SPTLC2: variants seen among roughly 807,000 people sequenced by gnomAD.
SPTLC2 encodes the protein serine palmitoyltransferase 2.
Under a neutral mutation model 62.0 loss-of-function variants are expected in SPTLC2, and 21 were observed. The observed-to-expected ratio is 0.34, with a 90% CI of 0.24 to 0.49. The LOEUF is 0.49. Among genes scored for constraint, SPTLC2 ranks in the 20% least tolerant of loss-of-function variants. The pLI is 0.99. For missense variants in SPTLC2, 511 were observed against 713.0 expected (o/e 0.72, Z 3.23); for synonymous variants, 261 against 261.8 (o/e 1.00, Z 0.03).
chr14:77,557,750 A>T (rs2079592702), intron 6 of SPTLC2, among the ~76,000 whole-genome samples: 1 of 152,198 alleles, frequency 6.6e-6, no homozygotes, highest in African/African-American at 2.4e-5. Context: ...CCTGACAATC[A>T]GTTGAAATTG....
At chr14:77,542,063 GAAAAAAA>G (rs11402118) in intron 9 of SPTLC2, among the ~76,000 whole-genome samples, 4 of 120,472 alleles carry the variant, frequency 3.3e-5, no homozygotes, top group African/African-American at 1.2e-4. Context: ...TCTGTGTCCG[GAAAAAAA>G]AAAAAAAACC....
At position 77,576,883 on chromosome 14, in the gene SPTLC2, T is replaced by A. The variant is rs1274727800; in HGVS notation, c.515A>T (p.Asn172Ile). 1 of 1,614,026 alleles carries A rather than the reference T, an allele frequency of 6.2e-7. No homozygotes were observed. The highest frequency in any genetic ancestry group is 1.7e-5 in the Admixed American group (1 of 59,992). Reference protein sequence around the residue: ...YTGNIIKGVINMGSYNYLGFA... With the variant: ...YTGNIIKGVIIMGSYNYLGFA... ...TCCAAGATAGTTGTAGGAACCCATG[T>A]TTATAACACCCTTTATTATATTCCC... Residue 172 changes from asparagine to isoleucine, a missense_variant, in exon 4 of 12, where the codon AAC (asparagine) becomes ATC (isoleucine). Transcript: ENST00000216484.
At chr14:77,587,881 T>TA (rs34274132) in intron 2 of SPTLC2, among the ~76,000 whole-genome samples, 50,449 of 149,948 alleles carry the variant, frequency 0.34, 9,200 homozygotes, top group Non-Finnish European at 0.41. Context: ...GACAAGATAG[T>TA]AAAAAAAAAA....
At chr14:77,566,297 T>C (rs2079644614) in intron 5 of SPTLC2, among the ~76,000 whole-genome samples, 1 of 152,236 alleles carries the variant, frequency 6.6e-6, no homozygotes, top group Non-Finnish European at 1.5e-5. Context: ...GTATTCATAC[T>C]AGCAGTTAAC....
Position 77,518,152 on chromosome 14 carries a change from C to A in SPTLC2, c.1455G>T (p.Glu485Asp). 1 of 1,614,150 alleles carries A rather than the reference C, an allele frequency of 6.2e-7. No homozygotes were observed. The highest frequency in any genetic ancestry group is 8.5e-7 in the Non-Finnish European group (1 of 1,180,028). The change falls in exon 11 of 12, where the codon GAG becomes GAT. Residue 485 changes from glutamate to aspartate, a missense_variant. Transcript: ENST00000216484. ...CGACACCGATGTTCCGCTTCAGCAT[C>A]TCCCGTCCAAAGGCGCTGCAAAGGG... is the stretch of plus-strand genomic sequence containing the variant. The part of the protein sequence containing the change: ...MPAKIGAFGR[E>D]MLKRNIGVVV...
chr14:77,531,378 T>C (rs1335995576), intron 9 of SPTLC2, among the ~76,000 whole-genome samples: 1 of 151,906 alleles, frequency 6.6e-6, no homozygotes, highest in Non-Finnish European at 1.5e-5. Flanking sequence ...GACTGTTCTC[T>C]ACCATAAGCC....
At chr14:77,568,917 TTAA>T (rs1198370311) in intron 5 of SPTLC2, among the ~76,000 whole-genome samples, 3 of 152,344 alleles carry the variant, frequency 2.0e-5, no homozygotes, top group African/African-American at 7.2e-5. Context: ...TGACGCTCTG[TTAA>T]TAACCCATTT....
chr14:77,516,652 A>G (rs2079360999), intron 11 of SPTLC2, among the ~76,000 whole-genome samples: 1 of 152,238 alleles, frequency 6.6e-6, no homozygotes, highest in Non-Finnish European at 1.5e-5. Context: ...AAAAGATACA[A>G]TATCAAAAAG....
At chr14:77,582,483 T>C (rs778167663) in intron 2 of SPTLC2, among the ~76,000 whole-genome samples, 24 of 152,306 alleles carry the variant, frequency 1.6e-4, no homozygotes, top group Middle Eastern at 3.4e-3. Flanking sequence ...TTTGTTTTAC[T>C]ATATAAAACA....
intron 2 of SPTLC2, among the ~76,000 whole-genome samples, chr14:77,583,169 T>C (rs902715430): frequency 1.3e-4 from 20 of 151,200 alleles, no homozygotes; most frequent in Non-Finnish European, 2.2e-4. Context: ...CACTGCACTT[T>C]AGCCTGGGCA....
chr14:77,579,247 G>T, intron 2 of SPTLC2, 138 bp from the exon 3 acceptor site: 1 of 826,646 alleles, frequency 1.2e-6, no homozygotes, highest in Non-Finnish European at 1.9e-6. Flanking sequence ...ATTGTGTAAT[G>T]GACAAGTCAG....
chr14:77,531,834 T>C (rs2079442619), intron 9 of SPTLC2, among the ~76,000 whole-genome samples: 1 of 152,118 alleles, frequency 6.6e-6, no homozygotes. Context: ...TACTGCAATC[T>C]GGGTGGTGAT....
chr14:77,512,765 G>C (rs1410667521), intron 11 of SPTLC2, among the ~76,000 whole-genome samples: 1 of 152,168 alleles, frequency 6.6e-6, no homozygotes, highest in Non-Finnish European at 1.5e-5. Context: ...GCTCAGGCTG[G>C]AGTGCTGTGG....
At chr14:77,606,428 T>C (rs961468465) in intron 1 of SPTLC2, among the ~76,000 whole-genome samples, 3 of 150,264 alleles carry the variant, frequency 2.0e-5, no homozygotes, top group African/African-American at 7.5e-5. Flanking sequence ...GTCTACATGT[T>C]CACCTTCTTG....
rs1282116302 is a variant in SPTLC2 at position 77,527,308 on chromosome 14, G to A, written c.1304-5727C>T. Among the ~76,000 whole-genome samples, 3 of 152,040 alleles carry A rather than the reference G, an allele frequency of 2.0e-5. No homozygotes were observed. The East Asian group carries it at 5.8e-4, about 29-fold the overall frequency. On this transcript the variant is annotated intron_variant, in intron 9 of 11. Coordinates refer to ENST00000216484, the MANE Select transcript of SPTLC2 (RefSeq NM_004863.4). Reference sequence around the variant, plus strand: ...AGACAGGGCTTCACTTTGTTGGCCAGGCTGGTCTAAAACTCCTGACCCTCA... The same window carrying A: ...AGACAGGGCTTCACTTTGTTGGCCAAGCTGGTCTAAAACTCCTGACCCTCA...
At chr14:77,519,930 C>T (rs2079377941) in intron 10 of SPTLC2, among the ~76,000 whole-genome samples, 1 of 151,892 alleles carries the variant, frequency 6.6e-6, no homozygotes, top group South Asian at 2.1e-4. Flanking sequence ...TATTTTTTCT[C>T]AACAAACACA....
intron 9 of SPTLC2, among the ~76,000 whole-genome samples, chr14:77,529,092 C>A (rs1048491626): frequency 6.6e-6 from 1 of 152,094 alleles, no homozygotes; most frequent in Non-Finnish European, 1.5e-5. Flanking sequence ...CCCACCTCAG[C>A]CTCCCAAAAT....
intron 6 of SPTLC2, among the ~76,000 whole-genome samples, chr14:77,562,059 G>T (rs11159276): frequency 0.46 from 70,496 of 152,084 alleles, 18,067 homozygotes; most frequent in East Asian, 0.87. Context: ...AAGTCTCTTC[G>T]TTAACCAGTC....
chr14:77,611,525 C>T (rs2079937541), intron 1 of SPTLC2, among the ~76,000 whole-genome samples: 1 of 150,698 alleles, frequency 6.6e-6, no homozygotes, highest in Non-Finnish European at 1.5e-5. Flanking sequence ...CAATAGACCA[C>T]ATTAAAAAAC....
Sources: allele counts gnomAD v4.1 joint callset (sites outside exome capture counted in the v4.1 genomes callset), GRCh38; gene constraint gnomAD v4.1.1; transcripts MANE v1.5; gene names NCBI Gene and HGNC (gene_info 2026-07-23, HGNC 2026-07-21).